Variants in DIMT1 observed in about 807,000 individuals in gnomAD.
DIMT1 encodes DIM1 rRNA methyltransferase and ribosome maturation factor.
A neutral mutation model predicts 43.2 loss-of-function variants in DIMT1; 36 were observed. That is an observed-to-expected ratio of 0.83 (90% CI 0.64 to 1.10). The LOEUF (loss-of-function observed/expected upper bound fraction) is 1.10, where lower values mean the gene tolerates loss of function less well. Ranked by LOEUF, DIMT1 falls within the 50% of genes least tolerant of loss-of-function variation. The probability of loss-of-function intolerance (pLI) is 0.00; values close to 1 mark genes in which losing one functional copy is unlikely to be tolerated. For missense variants in DIMT1, 341 were observed against 385.3 expected (o/e 0.88, Z 0.96); for synonymous variants, 126 against 130.3 (o/e 0.97, Z 0.22).
In DIMT1 at chr5:62,402,773, G is replaced by A. The variant is rs147754640; in HGVS notation, c.153+500C>T. Among the ~76,000 whole-genome samples, 287 of 152,210 alleles carry A rather than the reference G, an allele frequency of 1.9e-3. 1 individual carries two copies. The highest frequency in any genetic ancestry group is 3.4e-3 in the Non-Finnish European group (233 of 68,018). On this transcript the variant is annotated intron_variant, in intron 2 of 11. Coordinates refer to ENST00000199320, the MANE Select transcript of DIMT1 (RefSeq NM_014473.4). ...TTTAACCATAAGTGTAATCTGCACCGTGTGTATTTCACTTCCTAACACCCA... is the reference window on the plus strand; with the variant it reads ...TTTAACCATAAGTGTAATCTGCACCATGTGTATTTCACTTCCTAACACCCA...
At chr5:62,399,101 G>A (rs1477838978) in intron 3 of DIMT1, among the ~76,000 whole-genome samples, 1 of 151,554 alleles carries the variant, frequency 6.6e-6, no homozygotes, top group Non-Finnish European at 1.5e-5. Context: ...GAAGGCTGGG[G>A]TGGGCGAATC....
In DIMT1 at chr5:62,390,938, G is replaced by A. The variant is rs747173587; in HGVS notation, c.837C>T (p.Ile279=). The A allele has an allele frequency of 2.0e-5, 33 of 1,612,496 alleles. No individual in the cohort carries two copies. Among genetic ancestry groups the A allele is most frequent in the Non-Finnish European group, 2.8e-5 (33 of 1,179,906 alleles). ...DFSIADKIQQ[I]LTSTGFSDKR... is the part of the protein sequence containing the mutation. ...TGTCACTAAAACCTGTGCTGGTTAG[G>A]ATTTGCTGTATTTTATCTGCTATGC... is the stretch of plus-strand genomic sequence containing the variant. Residue 279 remains isoleucine (I), a synonymous_variant, in exon 11 of 12, where the codon ATC becomes ATT. Transcript: ENST00000199320.
chr5:62,391,065 T>A, intron 10 of DIMT1, 83 bp from the exon 11 acceptor site: 1 of 1,102,650 alleles, frequency 9.1e-7, no homozygotes, highest in Non-Finnish European at 1.4e-6. Flanking sequence ...CAGTAAGTCA[T>A]AAAATAGTCA....
chr5:62,397,688 G>A (rs1014350751), intron 6 of DIMT1, among the ~76,000 whole-genome samples: 4 of 150,848 alleles, frequency 2.7e-5, no homozygotes, highest in African/African-American at 4.9e-5. Flanking sequence ...TCGCTCAGTC[G>A]CCAAGGCTGG....
chr5:62,398,065 A>G (rs939780583), intron 6 of DIMT1, among the ~76,000 whole-genome samples: 1 of 152,116 alleles, frequency 6.6e-6, no homozygotes, highest in African/African-American at 2.4e-5. Context: ...TTTCAAACTG[A>G]TGTCTTATCC....
intron 3 of DIMT1, among the ~76,000 whole-genome samples, chr5:62,400,494 C>T (rs1050098761): frequency 6.6e-6 from 1 of 152,032 alleles, no homozygotes; most frequent in Non-Finnish European, 1.5e-5. Flanking sequence ...CTCAAACAAT[C>T]CTCCCACCTT....
intron 3 of DIMT1, among the ~76,000 whole-genome samples, chr5:62,399,483 C>T (rs1287322201): frequency 6.7e-6 from 1 of 149,808 alleles, no homozygotes; most frequent in Non-Finnish European, 1.5e-5. Flanking sequence ...AAAACAAAAA[C>T]AACACAAAAT....
intron 6 of DIMT1, among the ~76,000 whole-genome samples, chr5:62,396,818 C>G (rs893425224): frequency 1.3e-5 from 2 of 152,196 alleles, no homozygotes; most frequent in Non-Finnish European, 2.9e-5. Context: ...TCTGCTTTTG[C>G]TTTGACTGGA....
At chr5:62,402,767 T>A (rs184048834) in intron 2 of DIMT1, among the ~76,000 whole-genome samples, 190 of 152,356 alleles carry the variant, frequency 1.2e-3, no homozygotes, top group Non-Finnish European at 3.1e-4. Context: ...AAGTGTAATC[T>A]GCACCGTGTG....
In DIMT1 at chr5:62,392,153, G is replaced by T; in HGVS notation, c.792+18C>A. The stretch of plus-strand genomic sequence containing the variant: ...AGAAAACAAATCAATGAAACTGCAG[G>T]AACATTTTCTAACTTACAATATTAT... On this transcript the variant is annotated intron_variant, in intron 10 of 11. Transcript: ENST00000199320. The T allele has an allele frequency of 1.2e-6, 2 of 1,608,686 alleles. No homozygotes were observed. Among genetic ancestry groups the T allele is most frequent in the Non-Finnish European group, 1.7e-6 (2 of 1,177,922 alleles).
chr5:62,390,031 T>G (rs1200749520), intron 11 of DIMT1, among the ~76,000 whole-genome samples: 1 of 152,194 alleles, frequency 6.6e-6, no homozygotes, highest in Admixed American at 6.5e-5. Context: ...AGCCAGCCAA[T>G]AAAATATAAA....
intron 10 of DIMT1, chr5:62,391,468 T>C (rs1033011180): frequency 6.2e-6 from 1 of 160,998 alleles, no homozygotes; most frequent in African/African-American, 2.4e-5. Context: ...ATCCAAATAT[T>C]TTTCTTAATC....
chr5:62,396,139 G>GTTTTTTTTTGTTTTTTTTTTTTTT (rs1742480596), intron 6 of DIMT1, among the ~76,000 whole-genome samples: 2 of 116,746 alleles, frequency 1.7e-5, no homozygotes, highest in Non-Finnish European at 3.4e-5. Context: ...GTCACTGCAG[G>GTTTTTTTTTGTTTTTTTTTTTTTT]TTTTTTTTTT....
chr5:62,389,001 T>C lies in DIMT1; in HGVS notation c.*9A>G, dbSNP rs774272925. 1.3e-5 allele frequency: 21 copies of C among 1,604,510 alleles called. No individual in the cohort carries two copies. Among genetic ancestry groups the C allele is most frequent in the East Asian group, 2.2e-5 (1 of 44,832 alleles). ...TTCTTGACCTTGAAAATTTCTGTTT[T>C]CCAAATACCTAGGAAAAATGAATAC... On this transcript the variant is annotated 3_prime_UTR_variant, in exon 12 of 12. Transcript: ENST00000199320.
rs200433357 is a variant in DIMT1 at position 62,397,135 on chromosome 5, A to G, written c.446+1376T>C. Among the ~76,000 whole-genome samples the G allele has an allele frequency of 1.2e-4, 18 of 152,086 alleles. No individual in the cohort carries two copies. The East Asian group carries it at 3.5e-3, about 29-fold the overall frequency. On this transcript the variant is annotated intron_variant, in intron 6 of 11. Coordinates refer to ENST00000199320, the MANE Select transcript of DIMT1 (RefSeq NM_014473.4). The stretch of plus-strand genomic sequence containing the variant: ...CAGCTAATTTTTTTATTTTTAGTAG[A>G]GATGGGGTTTCACCATGTTAGCCAG...
In DIMT1 at chr5:62,402,071, T is replaced by G; in HGVS notation, c.205A>C (p.Asn69His). ...TTTTCTAACAACTTTACAGTCATGT[T>G]GCCAGTTCCAGGTCCAACTTCCAGC... ...VVLEVGPGTG[N>H]MTVKLLEKAK... Residue 69 changes from asparagine (N) to histidine (H), a missense_variant, in exon 3 of 12, where the codon AAC becomes CAC. Physicochemically the swap from Asn to His is moderately conservative, Grantham distance 68 (BLOSUM62 1). Coordinates refer to ENST00000199320, the MANE Select transcript of DIMT1 (RefSeq NM_014473.4). 1 of 1,614,042 alleles carries G rather than the reference T, an allele frequency of 6.2e-7. No homozygotes were observed. The highest frequency in any genetic ancestry group is 8.5e-7 in the Non-Finnish European group (1 of 1,179,996).
At position 62,394,603 on chromosome 5, in the gene DIMT1, C is replaced by T; in HGVS notation, c.451G>A (p.Ala151Thr). The stretch of plus-strand genomic sequence containing the variant: ...AATTCTCTTTGAAACATAAGTATAG[C>T]ACACCTGAAAAGAAAGCAGAAAGGA... ...LLLHRPFFRC[A>T]ILMFQREFAL... is the part of the protein sequence containing the mutation. The change falls in exon 7 of 12, where the codon GCT (alanine) becomes ACT (threonine). Residue 151 changes from alanine (A) to threonine (T), a missense_variant. By Grantham distance (58) the Ala-to-Thr change is moderately conservative. Transcript: ENST00000199320. 12 of 1,614,024 alleles carry T rather than the reference C, an allele frequency of 7.4e-6. No individual in the cohort carries two copies. The highest frequency in any genetic ancestry group is 1.0e-5 in the Non-Finnish European group (12 of 1,179,996).
chr5:62,401,580 C>CTTT (rs1156327743), intron 3 of DIMT1, among the ~76,000 whole-genome samples: 41 of 104,412 alleles, frequency 3.9e-4, no homozygotes, highest in East Asian at 9.1e-4. Context: ...TCATATTTTC[C>CTTT]TTTTTTTTTT....
chr5:62,397,181 T>C (rs1396425521), intron 6 of DIMT1, among the ~76,000 whole-genome samples: 1 of 152,092 alleles, frequency 6.6e-6, no homozygotes, highest in African/African-American at 2.4e-5. Context: ...TGACCTCAAG[T>C]GATCTGCCCG....
Sources: gnomAD v4.1 joint callset for allele counts (sites outside exome capture counted in the v4.1 genomes callset) on GRCh38, gnomAD v4.1.1 for gene constraint, MANE v1.5 for transcripts, NCBI Gene and HGNC (gene_info 2026-07-23, HGNC 2026-07-21) for gene names.